The following LCA5L variants were observed in gnomAD, a reference collection of about 807,000 sequenced individuals.
LCA5L encodes the protein lebercilin-like protein.
LCA5L carries 35 observed loss-of-function variants against 45.4 expected under a neutral mutation model. That is an observed-to-expected ratio of 0.77 (90% CI 0.59 to 1.02). LCA5L has a LOEUF of 1.02. Among genes scored for constraint, LCA5L ranks in the 50% least tolerant of loss-of-function variants. The pLI is 0.00. For missense variants in LCA5L, 668 were observed against 761.6 expected, an observed-to-expected ratio of 0.88 and a Z score of 1.45; for synonymous variants, 233 against 264.7, an observed-to-expected ratio of 0.88 and a Z score of 1.16.
In LCA5L at chr21:39,405,792, C is replaced by T; in HGVS notation, c.*90G>A. ...AAGTACTAAAACACACACATACATA[C>T]ACTCCCTCTCTCACACATTTCAAAA... On this transcript the variant is annotated 3_prime_UTR_variant, in exon 11 of 11. Transcript: ENST00000288350. 2.0e-6 allele frequency: 2 copies of T among 997,852 alleles called. No homozygotes were observed. Among genetic ancestry groups the T allele is most frequent in the Middle Eastern group, 3.3e-4 (1 of 3,058 alleles). 61.8% of individuals were successfully genotyped at this position (997,852 alleles called of 1,614,324 possible).
At chr21:39,428,578 T>TTTTATA (rs1277765308) in intron 4 of LCA5L, 75 bp from the exon 5 acceptor site, 1 of 58,042 alleles carries the variant, frequency 1.7e-5, no homozygotes, top group Non-Finnish European at 3.1e-5. Flanking sequence ...ATGCTTTATT[T>TTTTATA]TATATATATA....
intron 3 of LCA5L, among the ~76,000 whole-genome samples, chr21:39,431,768 G>A (rs559334879): frequency 3.9e-5 from 6 of 152,168 alleles, no homozygotes; most frequent in African/African-American, 1.4e-4. Flanking sequence ...TGCCCGCCTC[G>A]GGCTCCCAAA....
chr21:39,417,806 C>T (rs1251295302), intron 7 of LCA5L, among the ~76,000 whole-genome samples: 3 of 151,884 alleles, frequency 2.0e-5, no homozygotes, highest in Non-Finnish European at 4.4e-5. Flanking sequence ...CGCTCTGTCG[C>T]CCAGGCTGGA....
intron 2 of LCA5L, chr21:39,443,637 A>G (rs1312323275): frequency 1.3e-5 from 2 of 152,276 alleles, no homozygotes; most frequent in Admixed American, 1.3e-4. Context: ...GCAATCTCCT[A>G]CAGACCCTCA....
At chr21:39,434,104 A>G (rs1192144791) in intron 3 of LCA5L, among the ~76,000 whole-genome samples, 1 of 152,148 alleles carries the variant, frequency 6.6e-6, no homozygotes, top group Non-Finnish European at 1.5e-5. Context: ...ATTTCTACCT[A>G]TATGACCTCA....
intron 2 of LCA5L, chr21:39,438,903 ATT>A (rs1197920275): frequency 6.6e-6 from 1 of 152,198 alleles, no homozygotes; most frequent in Admixed American, 6.5e-5. Flanking sequence ...TTAAATTCTC[ATT>A]TTTAAGATTT....
intron 1 of LCA5L, among the ~76,000 whole-genome samples, chr21:39,445,280 T>C (rs1420921097): frequency 2.0e-5 from 3 of 150,786 alleles, no homozygotes; most frequent in Admixed American, 6.7e-5. Context: ...GCGCTAAGGT[T>C]AGAAAGAAAA....
chr21:39,423,476 A>G lies in LCA5L; in HGVS notation c.337T>C (p.Ser113Pro), dbSNP rs772137118. 2.6e-6 allele frequency: 4 copies of G among 1,564,110 alleles called. No individual in the cohort carries two copies. Among genetic ancestry groups the G allele is most frequent in the Non-Finnish European group, 2.6e-6 (3 of 1,163,210 alleles). Residue 113 changes from serine to proline, a missense_variant, in exon 6 of 11, where the codon TCA becomes CCA. Ser to Pro is a moderately conservative substitution (Grantham distance 74). Coordinates refer to ENST00000288350, the MANE Select transcript of LCA5L (RefSeq NM_152505.4). The part of the protein sequence containing the change: ...ISQSKGQKEI[S>P]VEKKHTWNAS... ...TTCCAGGTGTGCTTTTTTTCAACTGATATTTCCTTCTGGCCTGTGTAAGCA... is the reference window on the plus strand; with the variant it reads ...TTCCAGGTGTGCTTTTTTTCAACTGGTATTTCCTTCTGGCCTGTGTAAGCA...
At chr21:39,436,212 A>T (rs1317531323) in intron 2 of LCA5L, 1 of 152,196 alleles carries the variant, frequency 6.6e-6, no homozygotes, top group Admixed American at 6.5e-5. Context: ...CTTGGTAGCT[A>T]ATTGTAAGCA....
rs144630902 is a variant in LCA5L at position 39,439,998 on chromosome 21, C to T, written c.-246+4137G>A. ...GAAATGCTAGGTTCAAATACACACA[C>T]ATACACACACAAGGAGTTATATACA... is the stretch of plus-strand genomic sequence containing the variant. On this transcript the variant is annotated intron_variant, in intron 2 of 10. Transcript: ENST00000288350. Among the ~76,000 whole-genome samples the T allele has an allele frequency of 4.6e-4, 70 of 152,310 alleles. 1 individual carries two copies. Among genetic ancestry groups the T allele is most frequent in the African/African-American group, 1.5e-3 (62 of 41,566 alleles).
In LCA5L at chr21:39,409,781, A is replaced by G. The variant is rs746135785; in HGVS notation, c.1282+198T>C. On this transcript the variant is annotated intron_variant, in intron 10 of 10. Coordinates refer to ENST00000288350, the MANE Select transcript of LCA5L (RefSeq NM_152505.4). This position sits in a 1 kb window ranked among gnomAD's most constrained non-coding sequence, Gnocchi z 4.2. The stretch of plus-strand genomic sequence containing the variant: ...TTAAGTTTTGTATTTTTTAGTAGAG[A>G]TAGGGTTTCACCATGTTGGCCAGGC... Among the ~76,000 whole-genome samples the G allele has an allele frequency of 1.3e-5, 2 of 152,068 alleles. No homozygotes were observed. Among genetic ancestry groups the G allele is most frequent in the Non-Finnish European group, 2.9e-5 (2 of 68,022 alleles).
chr21:39,420,553 C>T (rs935386089), intron 7 of LCA5L, among the ~76,000 whole-genome samples, 153 bp downstream of exon 7: 2 of 107,546 alleles, frequency 1.9e-5, no homozygotes, highest in African/African-American at 7.0e-5. Context: ...ATAAACAGAA[C>T]TGTGGATGGG....
intron 7 of LCA5L, among the ~76,000 whole-genome samples, chr21:39,419,386 A>T (rs1038135644): frequency 6.6e-6 from 1 of 152,016 alleles, no homozygotes; most frequent in Non-Finnish European, 1.5e-5. Flanking sequence ...TTAGCTGGGT[A>T]TGGTGGCATG....
Position 39,435,886 on chromosome 21 carries a change from C to A in LCA5L, c.-245-313G>T, listed in dbSNP as rs571635331. ...CTCCTGACCTCAAGTGATCTACTCACCTTGGCCTCCCAAAGTGCTGGGATT... is the reference window on the plus strand; with the variant it reads ...CTCCTGACCTCAAGTGATCTACTCAACTTGGCCTCCCAAAGTGCTGGGATT... On this transcript the variant is annotated intron_variant, in intron 2 of 10. Coordinates refer to ENST00000288350, the MANE Select transcript of LCA5L (RefSeq NM_152505.4). 8.5e-5 allele frequency among the ~76,000 whole-genome samples: 13 copies of A among 152,312 alleles called. No homozygotes were observed. The South Asian group carries it at 2.7e-3, about 32-fold the overall frequency.
At chr21:39,433,927 C>CTTTTT (rs10574659) in intron 3 of LCA5L, among the ~76,000 whole-genome samples, 4 of 95,824 alleles carry the variant, frequency 4.2e-5, no homozygotes, top group South Asian at 4.1e-4. Flanking sequence ...CCACATCCAG[C>CTTTTT]TTTTTTTTTT....
chr21:39,443,121 C>T (rs1421190904), intron 2 of LCA5L, among the ~76,000 whole-genome samples: 2 of 152,142 alleles, frequency 1.3e-5, no homozygotes, highest in Non-Finnish European at 2.9e-5. Context: ...AAGTCTCATT[C>T]CTGGTTTTTG....
intron 6 of LCA5L, chr21:39,422,638 G>A (rs1422810612): frequency 2.0e-5 from 8 of 390,720 alleles, no homozygotes; most frequent in Middle Eastern, 1.4e-3. Context: ...GAGGTTTCAC[G>A]TAACACAATG....
At chr21:39,420,555 G>A (rs1027652876) in intron 7 of LCA5L, 151 bp downstream of exon 7, 2 of 302,682 alleles carry the variant, frequency 6.6e-6, no homozygotes, top group African/African-American at 4.8e-5. Context: ...AAACAGAACT[G>A]TGGATGGGGG....
chr21:39,413,925 A>G (rs8130246), intron 7 of LCA5L: 76,049 of 151,574 alleles, frequency 0.5, 19,512 homozygotes, highest in East Asian at 0.67. Flanking sequence ...CAACAACAAG[A>G]GGCTGCGACA....
Sources: allele counts gnomAD v4.1 joint callset (sites outside exome capture counted in the v4.1 genomes callset), GRCh38; gene constraint gnomAD v4.1.1; non-coding constraint Gnocchi (gnomAD v3.1); transcripts MANE v1.5; gene names NCBI Gene and HGNC (gene_info 2026-07-23, HGNC 2026-07-21).